The following MEI4 variants were observed in gnomAD, a reference collection of about 807,000 sequenced individuals.
MEI4 encodes meiosis-specific protein MEI4.
Under a neutral mutation model 31.4 loss-of-function variants are expected in MEI4, and 27 were observed. The observed-to-expected ratio is 0.86, with a 90% confidence interval of 0.63 to 1.19. The LOEUF (loss-of-function observed/expected upper bound fraction) is 1.19. Among genes scored for constraint, MEI4 ranks in the 50% most tolerant of loss-of-function variants. MEI4 has a pLI of 0.00. For synonymous variants in MEI4, 122 were observed against 145.4 expected, an observed-to-expected ratio of 0.84 and a Z score of 1.16; for missense variants, 329 against 398.9, an observed-to-expected ratio of 0.82 and a Z score of 1.49.
At chr6:77,736,035 A>G (rs1482515799) in intron 2 of MEI4, among the ~76,000 whole-genome samples, 1 of 148,100 alleles carries the variant, frequency 6.8e-6, no homozygotes, top group East Asian at 2.0e-4. Context: ...TGCTCTCTTC[A>G]AACTGTCAGA....
At chr6:77,654,152 T>C (rs74403607) in intron 1 of MEI4, among the ~76,000 whole-genome samples, 10,855 of 152,196 alleles carry the variant, frequency 0.071, 504 homozygotes, top group African/African-American at 0.13. Context: ...AGATTCAGCC[T>C]GTGGGCCAGT....
intron 3 of MEI4, among the ~76,000 whole-genome samples, chr6:77,827,685 A>G (rs1331306653): frequency 4.6e-5 from 7 of 152,204 alleles, no homozygotes; most frequent in Non-Finnish European, 5.9e-5. Context: ...GGTTTGGACC[A>G]CAGTAGCCTC....
chr6:77,757,953 C>T (rs916506031), intron 2 of MEI4, among the ~76,000 whole-genome samples: 3 of 151,866 alleles, frequency 2.0e-5, no homozygotes, highest in Admixed American at 1.3e-4. Context: ...GTCAAGAGAT[C>T]GAGACCATCC....
intron 4 of MEI4, among the ~76,000 whole-genome samples, chr6:77,865,596 C>T (rs1016517815): frequency 1.3e-5 from 2 of 152,236 alleles, no homozygotes; most frequent in East Asian, 3.9e-4. Flanking sequence ...AATAGCTTAC[C>T]AACCAACAAA....
rs118001817 is a variant in MEI4, at chr6:77,792,555, C to A, written c.768+30890C>A. Reference sequence around the variant, plus strand: ...CATATACAAAAAAATATTGCTCGGACTATTGCTATGGAACATTTCTCCTAT... The same window carrying A: ...CATATACAAAAAAATATTGCTCGGAATATTGCTATGGAACATTTCTCCTAT... On this transcript the variant is annotated intron_variant, in intron 3 of 4. Transcript: ENST00000684080. Among the ~76,000 whole-genome samples the A allele has an allele frequency of 9.0e-4, 137 of 152,222 alleles. 1 individual carries two copies. The highest frequency in any genetic ancestry group is 5.4e-3 in the East Asian group (28 of 5,182).
chr6:77,810,990 A>G (rs1769563912), intron 3 of MEI4, among the ~76,000 whole-genome samples: 1 of 152,206 alleles, frequency 6.6e-6, no homozygotes, highest in Non-Finnish European at 1.5e-5. Flanking sequence ...ACTTGATTGC[A>G]TGATTGGATA....
chr6:77,667,216 G>A (rs1028351610), intron 1 of MEI4, among the ~76,000 whole-genome samples: 3 of 151,984 alleles, frequency 2.0e-5, no homozygotes, highest in African/African-American at 7.2e-5. Context: ...ATGAGTAAAT[G>A]AATATAAAGT....
chr6:77,761,253 A>G lies in MEI4; in HGVS notation c.356A>G (p.Gln119Arg). The G allele has an allele frequency of 3.2e-6, 4 of 1,232,652 alleles. No homozygotes were observed. The highest frequency in any genetic ancestry group is 4.0e-6 in the Non-Finnish European group (4 of 988,068). 76.4% of individuals were successfully genotyped at this position (1,232,652 alleles called of 1,614,324 possible). ...AGAACTGAATCCTCAGACCTGTCCC[A>G]GCACTTTGTGGAAAGCTGTACCCCC... is the stretch of plus-strand genomic sequence containing the variant. The part of the protein sequence containing the change: ...EQRTESSDLS[Q>R]HFVESCTPTH... Residue 119 changes from glutamine to arginine, a missense_variant, in exon 3 of 5, where the codon CAG (glutamine) becomes CGG (arginine). Coordinates refer to ENST00000684080, the MANE Select transcript of MEI4 (RefSeq NM_001322247.2).
rs1000901909 is a variant in MEI4, at chr6:77,736,029, C to G, written c.233-25101C>G. ...GCTGCGTGCTGGGAGAACCACTGCT[C>G]TCTTCAAACTGTCAGACAGGGACTT... On this transcript the variant is annotated intron_variant, in intron 2 of 4. Transcript: ENST00000684080. Among the ~76,000 whole-genome samples the G allele has an allele frequency of 2.7e-5, 4 of 149,082 alleles. No homozygotes were observed. The East Asian group carries it at 7.8e-4, about 29-fold the overall frequency.
At position 77,820,071 on chromosome 6, in the gene MEI4, T is replaced by C. The variant is rs1769780691; in HGVS notation, c.769-8860T>C. On this transcript the variant is annotated intron_variant, in intron 3 of 4. Coordinates refer to ENST00000684080, the MANE Select transcript of MEI4 (RefSeq NM_001322247.2). This position sits in a 1 kb window ranked among gnomAD's most constrained non-coding sequence, Gnocchi z 4.5. ...CTTATTTTTTTCTGAATGGTTTTCCTTCTATCACTGTGTACTTGGCAGTGT... is the reference window on the plus strand; with the variant it reads ...CTTATTTTTTTCTGAATGGTTTTCCCTCTATCACTGTGTACTTGGCAGTGT... Among the ~76,000 whole-genome samples, 1 of 152,164 alleles carries C rather than the reference T, an allele frequency of 6.6e-6. No individual in the cohort carries two copies. The highest frequency in any genetic ancestry group is 2.1e-4 in the South Asian group (1 of 4,836).
intron 1 of MEI4, among the ~76,000 whole-genome samples, chr6:77,672,892 G>A (rs950747325): frequency 7.2e-5 from 11 of 152,168 alleles, no homozygotes; most frequent in African/African-American, 2.4e-4. Flanking sequence ...ATCAATATTT[G>A]TAATGAATGT....
intron 4 of MEI4, among the ~76,000 whole-genome samples, chr6:77,884,791 G>A (rs1457746340): frequency 1.3e-5 from 2 of 152,144 alleles, no homozygotes; most frequent in Non-Finnish European, 2.9e-5. Flanking sequence ...GTAGTGTGAT[G>A]CTTCCAGCTT....
intron 4 of MEI4, among the ~76,000 whole-genome samples, chr6:77,876,379 T>C (rs769179004): frequency 7.2e-5 from 11 of 152,190 alleles, no homozygotes; most frequent in Non-Finnish European, 1.3e-4. Flanking sequence ...GATTAAAGGA[T>C]AAGTTCAGCT....
chr6:77,661,310 A>G (rs1010899588), intron 1 of MEI4, among the ~76,000 whole-genome samples: 1 of 152,066 alleles, frequency 6.6e-6, no homozygotes, highest in Non-Finnish European at 1.5e-5. Flanking sequence ...GATTTGACTA[A>G]TAAAGGCCGG....
chr6:77,734,126 T>C (rs563360205), intron 2 of MEI4, among the ~76,000 whole-genome samples: 1 of 152,046 alleles, frequency 6.6e-6, no homozygotes, highest in African/African-American at 2.4e-5. Flanking sequence ...TGGAGAGTTC[T>C]GTAGATGTCT....
intron 1 of MEI4, among the ~76,000 whole-genome samples, chr6:77,655,438 T>C (rs1453558223): frequency 6.6e-6 from 1 of 152,206 alleles, no homozygotes; most frequent in East Asian, 1.9e-4. Context: ...AACCAACATT[T>C]CTTCTTCCGT....
intron 1 of MEI4, among the ~76,000 whole-genome samples, chr6:77,671,177 C>T (rs978700435): frequency 2.0e-5 from 3 of 151,570 alleles, no homozygotes; most frequent in Admixed American, 6.6e-5. Context: ...ATGCCTTAGC[C>T]TCCTGAGTAG....
At chr6:77,884,805 A>T (rs558814924) in intron 4 of MEI4, among the ~76,000 whole-genome samples, 1 of 152,164 alleles carries the variant, frequency 6.6e-6, no homozygotes, top group East Asian at 1.9e-4. Flanking sequence ...CCAGCTTTGT[A>T]CTTTTTGCTA....
intron 1 of MEI4, among the ~76,000 whole-genome samples, chr6:77,675,060 T>C (rs1768815842): frequency 6.7e-6 from 1 of 149,532 alleles, no homozygotes; most frequent in Admixed American, 6.7e-5. Flanking sequence ...TATTTAGTTG[T>C]TTTATCAACA....
Sources: gnomAD v4.1 joint callset for allele counts (sites outside exome capture counted in the v4.1 genomes callset) on GRCh38, gnomAD v4.1.1 for gene constraint, Gnocchi (gnomAD v3.1) non-coding constraint, MANE v1.5 for transcripts, NCBI Gene and HGNC (gene_info 2026-07-23, HGNC 2026-07-21) for gene names.